The following CPNE8 variants were observed in gnomAD, a reference collection of about 807,000 sequenced individuals.
CPNE8 encodes the protein copine-8.
Under a neutral mutation model 81.5 loss-of-function variants are expected in CPNE8, and 45 were observed. The observed-to-expected ratio is 0.55, with a 90% CI of 0.44 to 0.71. The LOEUF (loss-of-function observed/expected upper bound fraction) is 0.71. CPNE8 is among the 30% of genes least tolerant of loss of function. The probability of loss-of-function intolerance (pLI) is 0.00; values close to 1 mark genes in which losing one functional copy is unlikely to be tolerated. For synonymous variants in CPNE8, 252 were observed against 226.3 expected (o/e 1.11, Z -1.02); for missense variants, 594 against 672.1 (o/e 0.88, Z 1.28).
intron 10 of CPNE8, among the ~76,000 whole-genome samples, chr12:38,759,529 G>A (rs934673347): frequency 6.6e-6 from 1 of 152,136 alleles, no homozygotes; most frequent in Non-Finnish European, 1.5e-5. Context: ...TGGCAGAAAC[G>A]TAAAGATCAG....
intron 10 of CPNE8, among the ~76,000 whole-genome samples, chr12:38,756,330 TAAGC>T (rs1341585493): frequency 1.3e-5 from 2 of 149,974 alleles, no homozygotes; most frequent in Non-Finnish European, 3.0e-5. Context: ...AATGTGATTG[TAAGC>T]AAGTAAAGCA....
At chr12:38,751,185 C>A (rs923090105) in intron 10 of CPNE8, among the ~76,000 whole-genome samples, 1 of 152,160 alleles carries the variant, frequency 6.6e-6, no homozygotes, top group African/African-American at 2.4e-5. Context: ...AAACTTCTTT[C>A]TTTTGTAATT....
intron 13 of CPNE8, among the ~76,000 whole-genome samples, chr12:38,704,162 T>C (rs12822023): frequency 0.33 from 50,475 of 152,130 alleles, 10,031 homozygotes; most frequent in Non-Finnish European, 0.45. Flanking sequence ...CTATGCTCAG[T>C]ACCTGGGTGA....
chr12:38,771,116 A>G (rs1425360152), intron 7 of CPNE8, among the ~76,000 whole-genome samples: 1 of 152,118 alleles, frequency 6.6e-6, no homozygotes, highest in African/African-American at 2.4e-5. Context: ...CAATCAATAA[A>G]TAAAAACAAA....
chr12:38,815,084 T>C (rs181647376), intron 6 of CPNE8, among the ~76,000 whole-genome samples: 8 of 152,274 alleles, frequency 5.3e-5, no homozygotes, highest in African/African-American at 9.6e-5. Context: ...ACCCCAGCTA[T>C]TTGCCCTCTC....
At position 38,902,376 on chromosome 12, in the gene CPNE8, GAAAGA is replaced by G. The variant is rs1555172165; in HGVS notation, c.98+3056_98+3060del. On this transcript the variant is annotated intron_variant, in intron 1 of 19. Transcript: ENST00000331366. Reference sequence around the variant, plus strand: ...AGAAAGAAAGAAAGAAAGAAAGAAAGAAAGAAAAGAAAGAAAGAGAAAGAAAGAAA... The same window carrying G: ...AGAAAGAAAGAAAGAAAGAAAGAAAGAAAGAAAGAAAGAGAAAGAAAGAAA... Among the ~76,000 whole-genome samples the G allele has an allele frequency of 2.5e-4, 20 of 80,322 alleles. 1 individual carries two copies. The highest frequency in any genetic ancestry group is 1.1e-3 in the African/African-American group (17 of 14,972). The allele number at this position is 80,322 out of a possible 152,430, so 52.7% of individuals were successfully genotyped here.
intron 6 of CPNE8, among the ~76,000 whole-genome samples, chr12:38,792,827 A>T (rs961315633): frequency 6.6e-6 from 1 of 151,934 alleles, no homozygotes; most frequent in Admixed American, 6.6e-5. Flanking sequence ...TGATGCAAAA[A>T]TCCTCAACAA....
At chr12:38,867,903 T>C (rs1164281366) in intron 3 of CPNE8, among the ~76,000 whole-genome samples, 1 of 152,206 alleles carries the variant, frequency 6.6e-6, no homozygotes, top group East Asian at 1.9e-4. Context: ...ATCAACAATA[T>C]AGTGGTAATT....
chr12:38,886,658 G>A (rs1356075696), intron 1 of CPNE8, among the ~76,000 whole-genome samples: 1 of 152,190 alleles, frequency 6.6e-6, no homozygotes, highest in African/African-American at 2.4e-5. Flanking sequence ...GCCTAAGGCT[G>A]CTCCTCCAAG....
At chr12:38,669,942 G>C (rs763468611) in intron 19 of CPNE8, among the ~76,000 whole-genome samples, 1 of 152,120 alleles carries the variant, frequency 6.6e-6, no homozygotes, top group Admixed American at 6.6e-5. Context: ...AGCAGTACAA[G>C]CCTCTGATAA....
At chr12:38,688,658 A>C (rs1269774874) in intron 15 of CPNE8, among the ~76,000 whole-genome samples, 11 of 151,910 alleles carry the variant, frequency 7.2e-5, no homozygotes, top group Admixed American at 7.2e-4. Context: ...AAAGGAATGG[A>C]ATAATGGCAT....
At chr12:38,799,381 G>T (rs889610439) in intron 6 of CPNE8, among the ~76,000 whole-genome samples, 3 of 152,044 alleles carry the variant, frequency 2.0e-5, no homozygotes, top group African/African-American at 7.2e-5. Flanking sequence ...TAGAACTCAG[G>T]ATTAAGAAAC....
chr12:38,737,643 T>C (rs1179855811), intron 10 of CPNE8, among the ~76,000 whole-genome samples: 1 of 152,174 alleles, frequency 6.6e-6, no homozygotes, highest in Admixed American at 6.5e-5. Flanking sequence ...CCTTTGTTTT[T>C]TCTCTGTCAG....
intron 13 of CPNE8, among the ~76,000 whole-genome samples, chr12:38,713,747 C>A (rs1003890396): frequency 1.3e-5 from 2 of 152,088 alleles, no homozygotes; most frequent in Non-Finnish European, 2.9e-5. Flanking sequence ...ATAAACAAAT[C>A]ATACAAATAA....
intron 1 of CPNE8, among the ~76,000 whole-genome samples, chr12:38,879,319 C>T (rs955606083): frequency 6.1e-5 from 9 of 148,508 alleles, no homozygotes; most frequent in African/African-American, 2.2e-4. Flanking sequence ...TCTGTTTCCC[C>T]TTTTTTTTTT....
chr12:38,750,350 A>G (rs1487749085), intron 10 of CPNE8, among the ~76,000 whole-genome samples: 1 of 152,134 alleles, frequency 6.6e-6, no homozygotes, highest in Non-Finnish European at 1.5e-5. Flanking sequence ...GAGCTGTGAG[A>G]AGAGGGCCAT....
At chr12:38,819,539 A>G (rs1390606519) in intron 6 of CPNE8, among the ~76,000 whole-genome samples, 1 of 151,908 alleles carries the variant, frequency 6.6e-6, no homozygotes, top group Non-Finnish European at 1.5e-5. Flanking sequence ...AGGCCGAGGC[A>G]GGCGGATCAC....
intron 1 of CPNE8, among the ~76,000 whole-genome samples, chr12:38,893,868 TTGTC>T (rs1944348225): frequency 6.6e-6 from 1 of 152,232 alleles, no homozygotes; most frequent in Non-Finnish European, 1.5e-5. Context: ...ACTAGAGGAA[TTGTC>T]TATCTAAAGA....
At chr12:38,769,892 T>A (rs946348196) in intron 7 of CPNE8, among the ~76,000 whole-genome samples, 1 of 152,118 alleles carries the variant, frequency 6.6e-6, no homozygotes, top group African/African-American at 2.4e-5. Context: ...TGAAGAAAAT[T>A]ATATAACCTT....
Sources: allele counts gnomAD v4.1 joint callset (sites outside exome capture counted in the v4.1 genomes callset), GRCh38; gene constraint gnomAD v4.1.1; transcripts MANE v1.5; gene names NCBI Gene and HGNC (gene_info 2026-07-23, HGNC 2026-07-21).